COL5A1: variants seen among roughly 807,000 people sequenced by gnomAD.
COL5A1 encodes collagen alpha-1(V) chain.
A neutral mutation model predicts 263.7 loss-of-function variants in COL5A1; 16 were observed. That is an observed-to-expected ratio of 0.06 (90% CI 0.04 to 0.09). The LOEUF is 0.09. COL5A1 is among the 10% of genes least tolerant of loss of function. COL5A1 has a pLI of 1.00. For missense variants in COL5A1, 2,036 were observed against 2,540.5 expected, an observed-to-expected ratio of 0.80 and a Z score of 4.27; for synonymous variants, 1,012 against 1,004.5, an observed-to-expected ratio of 1.01 and a Z score of -0.14.
rs371351417 is a variant in COL5A1, at chr9:134,701,280, A to G, written c.601A>G (p.Ile201Val). The change falls in exon 4 of 66, where the codon ATC becomes GTC. Residue 201 changes from isoleucine to valine, a missense_variant. By Grantham distance (29) the Ile-to-Val change is conservative. This residue lies in a region of COL5A1 where 600 missense variants were observed against 634.5 expected (regional missense o/e 0.95). Coordinates refer to ENST00000371817, the MANE Select transcript of COL5A1 (RefSeq NM_000093.5). ...LDRSDHPMID[I>V]NGIIVFGTRI... ...CCGCAGCGACCACCCCATGATCGACATCAATGGCATCATCGTGTTTGGCAC... is the reference window on the plus strand; with the variant it reads ...CCGCAGCGACCACCCCATGATCGACGTCAATGGCATCATCGTGTTTGGCAC... 1 of 1,613,890 alleles carries G rather than the reference A, an allele frequency of 6.2e-7. No individual in the cohort carries two copies. Among genetic ancestry groups the G allele is most frequent in the African/African-American group, 1.3e-5 (1 of 74,938 alleles).
chr9:134,794,694 G>T lies in COL5A1; in HGVS notation c.2701-388G>T, dbSNP rs1837830709. Among the ~76,000 whole-genome samples the T allele has an allele frequency of 6.6e-6, 1 of 152,122 alleles. No individual in the cohort carries two copies. The highest frequency in any genetic ancestry group is 1.5e-5 in the Non-Finnish European group (1 of 68,042). On this transcript the variant is annotated intron_variant, in intron 32 of 65. Coordinates refer to ENST00000371817, the MANE Select transcript of COL5A1 (RefSeq NM_000093.5). This position sits in a 1 kb window ranked among gnomAD's most constrained non-coding sequence, Gnocchi z 4.3. ...GGGGTTGACTTTCTTCTCTTTTCTTGCAATAATGATTTCCCTCCCTGCTGA... is the reference window on the plus strand; with the variant it reads ...GGGGTTGACTTTCTTCTCTTTTCTTTCAATAATGATTTCCCTCCCTGCTGA...
At chr9:134,644,690 T>C (rs1289953423) in intron 1 of COL5A1, among the ~76,000 whole-genome samples, 2 of 152,138 alleles carry the variant, frequency 1.3e-5, no homozygotes, top group African/African-American at 2.4e-5. Flanking sequence ...CCTGCTTTCT[T>C]TTGGCCAAGT....
intron 32 of COL5A1, among the ~76,000 whole-genome samples, chr9:134,791,852 G>C (rs1837702235): frequency 6.6e-6 from 1 of 152,184 alleles, no homozygotes; most frequent in African/African-American, 2.4e-5. Flanking sequence ...GAGGACTCTG[G>C]TGGTCAAAGC....
intron 1 of COL5A1, among the ~76,000 whole-genome samples, chr9:134,655,080 A>AG (rs1341428165): frequency 5.5e-5 from 1 of 18,106 alleles, no homozygotes; most frequent in Non-Finnish European, 1.1e-4. Flanking sequence ...GTGTAGGGCT[A>AG]GGGGTGTGTA....
chr9:134,706,756 C>G (rs931701083), intron 4 of COL5A1, among the ~76,000 whole-genome samples: 1 of 152,226 alleles, frequency 6.6e-6, no homozygotes, highest in Admixed American at 6.5e-5. Flanking sequence ...TTCTGTTCTC[C>G]TAGCCCTCCC....
At chr9:134,798,522 G>A in intron 37 of COL5A1, 61 bp downstream of exon 37, 15 of 1,531,648 alleles carry the variant, frequency 9.8e-6, no homozygotes, top group Non-Finnish European at 1.2e-5. Context: ...CTGCACGTGG[G>A]CACAGCCCTC....
In COL5A1 at chr9:134,823,439, G is replaced by C; in HGVS notation, c.4668G>C (p.Glu1556Asp). 1 of 1,614,176 alleles carries C rather than the reference G, an allele frequency of 6.2e-7. No homozygotes were observed. The highest frequency in any genetic ancestry group is 8.5e-7 in the Non-Finnish European group (1 of 1,180,016). ...GSSGPTGPKG[E>D]AGHPGPPGPP... Reference sequence around the variant, plus strand: ...AGGGTCCAACTGGCCCGAAGGGTGAGGCAGGCCACCCAGGACCCCCAGGCC... The same window carrying C: ...AGGGTCCAACTGGCCCGAAGGGTGACGCAGGCCACCCAGGACCCCCAGGCC... The change falls in exon 61 of 66, where the codon GAG (glutamate) becomes GAC (aspartate). Residue 1556 changes from glutamate to aspartate, a missense_variant. Physicochemically the swap from Glu to Asp is conservative, Grantham distance 45 (BLOSUM62 2). Coordinates refer to ENST00000371817, the MANE Select transcript of COL5A1 (RefSeq NM_000093.5).
At chr9:134,706,342 G>GC (rs1465094156) in intron 4 of COL5A1, among the ~76,000 whole-genome samples, 8 of 152,116 alleles carry the variant, frequency 5.3e-5, no homozygotes, top group South Asian at 2.1e-4. Context: ...GAGGGGCTGG[G>GC]CTCCCCCCAG....
At chr9:134,674,513 AGT>A (rs146232546) in intron 1 of COL5A1, among the ~76,000 whole-genome samples, 109 of 151,990 alleles carry the variant, frequency 7.2e-4, no homozygotes, top group African/African-American at 2.5e-3. Flanking sequence ...GTATCTTGAT[AGT>A]GTGTGTGTGT....
chr9:134,787,734 C>T (rs148264370), intron 31 of COL5A1, among the ~76,000 whole-genome samples: 26 of 152,330 alleles, frequency 1.7e-4, no homozygotes, highest in East Asian at 5.8e-4. Flanking sequence ...GATTGTGGGA[C>T]GCCAACACAA....
At position 134,755,756 on chromosome 9, in the gene COL5A1, G is replaced by A. The variant is rs991329464; in HGVS notation, c.1828-1009G>A. 7.2e-5 allele frequency among the ~76,000 whole-genome samples: 11 copies of A among 152,314 alleles called. No homozygotes were observed. The highest frequency in any genetic ancestry group is 5.9e-4 in the Admixed American group (9 of 15,296). On this transcript the variant is annotated intron_variant, in intron 16 of 65. Coordinates refer to ENST00000371817, the MANE Select transcript of COL5A1 (RefSeq NM_000093.5). The surrounding 1 kb of genome is among the most constrained non-coding windows in gnomAD (Gnocchi z 4.1). ...GGGCGATGTCTTTTTGGGGAGCAAC[G>A]GGAGCACCGACTGTCTCCTTGGGGT...
At chr9:134,744,191 G>C (rs1233080129) in intron 11 of COL5A1, among the ~76,000 whole-genome samples, 1 of 152,188 alleles carries the variant, frequency 6.6e-6, no homozygotes, top group Non-Finnish European at 1.5e-5. Context: ...GATGGGACAC[G>C]CCAATCCAGT....
Position 134,822,969 on chromosome 9 carries a change from G to A in COL5A1, c.4609-29G>A, listed in dbSNP as rs184757991. ...TGGGGCTGGAGCTGAGACCCGGCTT[G>A]CTGACGTTCTGCCCTCCTCTCTCTG... On this transcript the variant is annotated intron_variant, in intron 59 of 65. Transcript: ENST00000371817. 2.9e-4 allele frequency: 467 copies of A among 1,613,904 alleles called. 2 individuals are homozygous for A. Among genetic ancestry groups the A allele is most frequent in the Non-Finnish European group, 3.1e-4 (368 of 1,179,976 alleles).
In COL5A1 at chr9:134,817,715, C is replaced by T. The variant is rs369811766; in HGVS notation, c.4177-63C>T. On this transcript the variant is annotated intron_variant, in intron 53 of 65. Transcript: ENST00000371817. ...CACACACACCCTGAGCGCCTGCACC[C>T]GAGCTCGTCCCTCCACCCCTGCAGG... is the stretch of plus-strand genomic sequence containing the variant. 2.3e-4 allele frequency: 347 copies of T among 1,508,068 alleles called. 1 individual carries two copies. Among genetic ancestry groups the T allele is most frequent in the Middle Eastern group, 1.7e-4 (1 of 5,840 alleles). 93.4% of individuals were successfully genotyped at this position (1,508,068 alleles called of 1,614,324 possible).
chr9:134,739,527 C>A (rs1322186426), intron 11 of COL5A1, among the ~76,000 whole-genome samples: 2 of 152,146 alleles, frequency 1.3e-5, no homozygotes, highest in East Asian at 3.8e-4. Flanking sequence ...AGAGTGAGGA[C>A]CCTGTGGGTG....
intron 4 of COL5A1, among the ~76,000 whole-genome samples, chr9:134,717,054 T>C (rs1834287040): frequency 6.6e-6 from 1 of 152,208 alleles, no homozygotes; most frequent in African/African-American, 2.4e-5. Flanking sequence ...ATTTTGTTTT[T>C]CCATTTTGTA....
Position 134,821,776 on chromosome 9 carries a change from C to T in COL5A1, c.4555-321C>T, listed in dbSNP as rs1422578273. On this transcript the variant is annotated intron_variant, in intron 58 of 65. Coordinates refer to ENST00000371817, the MANE Select transcript of COL5A1 (RefSeq NM_000093.5). The surrounding 1 kb of genome is among the most constrained non-coding windows in gnomAD (Gnocchi z 4.2). ...GGCCACAATGTCAGGGCAGTGGTTT[C>T]TGTATTTCCAAATGAACGTGAAAAG... Among the ~76,000 whole-genome samples the T allele has an allele frequency of 6.6e-6, 1 of 152,228 alleles. No individual in the cohort carries two copies. Among genetic ancestry groups the T allele is most frequent in the Non-Finnish European group, 1.5e-5 (1 of 68,034 alleles).
At chr9:134,651,126 G>A (rs982447493) in intron 1 of COL5A1, among the ~76,000 whole-genome samples, 3 of 152,234 alleles carry the variant, frequency 2.0e-5, no homozygotes, top group African/African-American at 7.2e-5. Flanking sequence ...CATGGCCCCA[G>A]GCAACAGTGC....
chr9:134,817,871 C>T (rs776564412), intron 54 of COL5A1, 40 bp downstream of exon 54: 1 of 1,559,832 alleles, frequency 6.4e-7, no homozygotes, highest in African/African-American at 1.4e-5. Flanking sequence ...GCGTAGACCT[C>T]CCCCAGGGGA....
Sources: gnomAD v4.1 joint callset for allele counts (sites outside exome capture counted in the v4.1 genomes callset) on GRCh38, gnomAD v4.1.1 for gene constraint, gnomAD v4.1.1 regional missense constraint, Gnocchi (gnomAD v3.1) non-coding constraint, MANE v1.5 for transcripts, NCBI Gene and HGNC (gene_info 2026-07-23, HGNC 2026-07-21) for gene names.